AFDN: variants seen among roughly 807,000 people sequenced by gnomAD.
AFDN encodes the protein afadin.
AFDN carries 68 observed loss-of-function variants against 216.6 expected under a neutral mutation model. That is an observed-to-expected ratio of 0.31 (90% CI 0.26 to 0.38). The LOEUF is 0.38. AFDN is among the 10% of genes least tolerant of loss of function. The probability of loss-of-function intolerance (pLI) is 1.00; values close to 1 mark genes in which losing one functional copy is unlikely to be tolerated. For synonymous variants in AFDN, 868 were observed against 853.7 expected, an observed-to-expected ratio of 1.02 and a Z score of -0.29; for missense variants, 2,136 against 2,342.0, an observed-to-expected ratio of 0.91 and a Z score of 1.82.
Position 167,911,482 on chromosome 6 carries a change from T to C in AFDN, c.2030T>C (p.Val677Ala). 6.2e-7 allele frequency: 1 copy of C among 1,614,084 alleles called. No homozygotes were observed. The highest frequency in any genetic ancestry group is 8.5e-7 in the Non-Finnish European group (1 of 1,179,944). The stretch of plus-strand genomic sequence containing the variant: ...AAGATGGTGAGCATGATGGAGGGTG[T>C]CATCCAGGTACGTTCCAGCCGGCCA... ...VNKMVSMMEG[V>A]IQEVDQVDQK... Residue 677 changes from valine (V) to alanine (A), a missense_variant, in exon 15 of 34, where the codon GTC becomes GCC. Around this residue, in one of 8 missense-constraint regions of AFDN, gnomAD observed 817 missense variants for 965.7 expected, o/e 0.85. Transcript: ENST00000683244.
chr6:167,952,987 T>C (rs1364893023), intron 30 of AFDN, among the ~76,000 whole-genome samples: 1 of 152,256 alleles, frequency 6.6e-6, no homozygotes, highest in African/African-American at 2.4e-5. Context: ...TGCAGAAATT[T>C]TAGATAAAAG....
chr6:167,842,235 G>C (rs1781151962), intron 1 of AFDN, among the ~76,000 whole-genome samples: 1 of 151,850 alleles, frequency 6.6e-6, no homozygotes, highest in Non-Finnish European at 1.5e-5. Flanking sequence ...ACCATAAAAG[G>C]CTTTATTTAC....
At chr6:167,935,767 T>G (rs1320685656) in intron 23 of AFDN, among the ~76,000 whole-genome samples, 1 of 152,176 alleles carries the variant, frequency 6.6e-6, no homozygotes, top group Non-Finnish European at 1.5e-5. Flanking sequence ...TTTTAATGGC[T>G]CTTTTGCTTT....
intron 23 of AFDN, among the ~76,000 whole-genome samples, chr6:167,930,654 CTG>C (rs1173930544): frequency 2.0e-5 from 3 of 152,162 alleles, no homozygotes; most frequent in Non-Finnish European, 2.9e-5. Context: ...AGGGCCCAGA[CTG>C]TGGAGATTTT....
In AFDN at chr6:167,943,348, C is replaced by T. The variant is rs61654876; in HGVS notation, c.3166-54C>T. On this transcript the variant is annotated intron_variant, in intron 24 of 33. Coordinates refer to ENST00000683244, the MANE Select transcript of AFDN (RefSeq NM_001386888.1). ...ACTCATCATTACCTTTTCTTCCTCC[C>T]GCTCTCTTTGCTCTCTACCCCTAAT... 0.01 allele frequency: 16,015 copies of T among 1,546,244 alleles called. 1,365 individuals carry two copies. In the African/African-American group the frequency reaches 0.19, roughly 18 times the overall value.
intron 1 of AFDN, among the ~76,000 whole-genome samples, chr6:167,836,640 G>A (rs893030816): frequency 6.6e-6 from 1 of 152,088 alleles, no homozygotes; most frequent in Non-Finnish European, 1.5e-5. Context: ...ACCTTGTTTT[G>A]CACAAAATAT....
chr6:167,891,452 G>GT (rs1787597435), intron 8 of AFDN, among the ~76,000 whole-genome samples: 1 of 110,252 alleles, frequency 9.1e-6, no homozygotes, highest in East Asian at 4.0e-4. Flanking sequence ...TGTGTGTGTG[G>GT]CTGTTGTTTC....
At chr6:167,848,304 T>G (rs1026241277) in intron 1 of AFDN, among the ~76,000 whole-genome samples, 1 of 152,226 alleles carries the variant, frequency 6.6e-6, no homozygotes, top group South Asian at 2.1e-4. Flanking sequence ...TTATTTACAT[T>G]TCTTTTAGTT....
At chr6:167,914,994 C>T (rs1268903890) in intron 18 of AFDN, among the ~76,000 whole-genome samples, 174 bp from the exon 19 acceptor site, 1 of 152,192 alleles carries the variant, frequency 6.6e-6, no homozygotes, top group Non-Finnish European at 1.5e-5. Flanking sequence ...TAGTTAATAA[C>T]TATATGTAGT....
rs148158827 is a variant in AFDN at position 167,834,534 on chromosome 6, T to G, written c.105+7297T>G. On this transcript the variant is annotated intron_variant, in intron 1 of 33. Transcript: ENST00000683244. ...ACTGGACTACATCTTGAATAACAAG[T>G]CACGGTGCATCACACCATGAAAACA... Among the ~76,000 whole-genome samples the G allele has an allele frequency of 1.2e-3, 159 of 130,640 alleles. 2 individuals are homozygous for G. Among genetic ancestry groups the G allele is most frequent in the African/African-American group, 4.5e-3 (158 of 35,030 alleles). 85.7% of individuals were successfully genotyped at this position (130,640 alleles called of 152,430 possible).
chr6:167,842,224 G>T (rs1781150692), intron 1 of AFDN, among the ~76,000 whole-genome samples: 2 of 151,950 alleles, frequency 1.3e-5, no homozygotes, highest in Admixed American at 1.3e-4. Context: ...CCCACTGTGG[G>T]ACCATAAAAG....
At chr6:167,922,138 T>C (rs1791903440) in intron 21 of AFDN, among the ~76,000 whole-genome samples, 1 of 152,146 alleles carries the variant, frequency 6.6e-6, no homozygotes, top group African/African-American at 2.4e-5. Context: ...GCCCGTGTGA[T>C]AGATAGGAGT....
rs1325165745 is a variant in AFDN, at chr6:167,872,315, A to G, written c.516A>G (p.Arg172=). The G allele has an allele frequency of 6.2e-7, 1 of 1,614,110 alleles. No homozygotes were observed. The highest frequency in any genetic ancestry group is 1.1e-5 in the South Asian group (1 of 91,070). The stretch of plus-strand genomic sequence containing the variant: ...AAGAAAAGAAGGAAAAAAAGAAGAG[A>G]GAAAAAGAGGCATTGCGACAGGCAT... ...SKKEKKEKKK[R]EKEALRQASD... The change falls in exon 4 of 34, where the codon AGA becomes AGG. Residue 172 remains arginine (R), a synonymous_variant. Transcript: ENST00000683244.
intron 23 of AFDN, among the ~76,000 whole-genome samples, chr6:167,933,669 G>C (rs1224268597): frequency 3.9e-5 from 6 of 152,146 alleles, no homozygotes; most frequent in African/African-American, 1.4e-4. Flanking sequence ...ATATATTTGT[G>C]TATCAAAAGC....
intron 8 of AFDN, among the ~76,000 whole-genome samples, chr6:167,893,302 A>G (rs536118095): frequency 6.6e-6 from 1 of 152,258 alleles, no homozygotes; most frequent in East Asian, 1.9e-4. Flanking sequence ...AAATTGATCT[A>G]TTTTCCATTT....
Position 167,971,258 on chromosome 6 carries a change from C to T in AFDN, c.*1323C>T, listed in dbSNP as rs571948153. ...GGCACACTTTCAAAGAGAATGTTCTCTTACACATACGTATGTTAGGAAAAT... is the reference window on the plus strand; with the variant it reads ...GGCACACTTTCAAAGAGAATGTTCTTTTACACATACGTATGTTAGGAAAAT... On this transcript the variant is annotated 3_prime_UTR_variant, in exon 34 of 34. Transcript: ENST00000683244. 4.5e-6 allele frequency: 1 copy of T among 220,100 alleles called. No individual in the cohort carries two copies. Among genetic ancestry groups the T allele is most frequent in the African/African-American group, 2.2e-5 (1 of 44,664 alleles). 13.6% of individuals were successfully genotyped at this position (220,100 alleles called of 1,614,324 possible).
intron 1 of AFDN, among the ~76,000 whole-genome samples, chr6:167,832,884 C>T (rs1779979033): frequency 6.6e-6 from 1 of 152,220 alleles, no homozygotes; most frequent in Non-Finnish European, 1.5e-5. Flanking sequence ...ACACAACTTG[C>T]TTTACCTTGT....
At position 167,952,331 on chromosome 6, in the gene AFDN, T is replaced by G. The variant is rs550071192; in HGVS notation, c.4833+144T>G. The stretch of plus-strand genomic sequence containing the variant: ...TATACTGTTTTATTGTATGTGTTAC[T>G]CTTGGCTGATGTCGTAGAGAAATGA... On this transcript the variant is annotated intron_variant, in intron 30 of 33. Coordinates refer to ENST00000683244, the MANE Select transcript of AFDN (RefSeq NM_001386888.1). 2.0e-6 allele frequency: 3 copies of G among 1,515,858 alleles called. No homozygotes were observed. The South Asian group carries it at 4.1e-5, about 21-fold the overall frequency. The allele number at this position is 1,515,858 out of a possible 1,614,324, so 93.9% of individuals were successfully genotyped here.
At chr6:167,836,342 C>G (rs569758529) in intron 1 of AFDN, among the ~76,000 whole-genome samples, 2 of 152,252 alleles carry the variant, frequency 1.3e-5, no homozygotes, top group Non-Finnish European at 2.9e-5. Context: ...TCTCCGTCTC[C>G]CAAATATAAA....
Sources: gnomAD v4.1 joint callset for allele counts (sites outside exome capture counted in the v4.1 genomes callset) on GRCh38, gnomAD v4.1.1 for gene constraint, gnomAD v4.1.1 regional missense constraint, MANE v1.5 for transcripts, NCBI Gene and HGNC (gene_info 2026-07-23, HGNC 2026-07-21) for gene names.